The following MAGI3 variants were observed in gnomAD, a reference collection of about 807,000 sequenced individuals.
MAGI3 encodes membrane-associated guanylate kinase, WW and PDZ domain-containing protein 3.
In MAGI3, 43 loss-of-function variants were observed where a neutral mutation model predicts 121.8. The observed-to-expected ratio is 0.35, with a 90% CI of 0.28 to 0.46. The LOEUF is 0.46. MAGI3 is among the 20% of genes least tolerant of loss of function. MAGI3 has a pLI of 1.00. For synonymous variants in MAGI3, 553 were observed against 639.3 expected, an observed-to-expected ratio of 0.86 and a Z score of 2.04; for missense variants, 1,547 against 1,797.3, an observed-to-expected ratio of 0.86 and a Z score of 2.52.
intron 1 of MAGI3, among the ~76,000 whole-genome samples, chr1:113,516,019 C>T (rs533809327): frequency 8.2e-4 from 125 of 152,072 alleles, no homozygotes; most frequent in Non-Finnish European, 1.3e-3. Flanking sequence ...TCACTAGATG[C>T]GTATACCACT....
rs144424978 is a variant in MAGI3, at chr1:113,657,678, G to A, written c.2630-1402G>A. On this transcript the variant is annotated intron_variant, in intron 15 of 20. Coordinates refer to ENST00000307546, the MANE Select transcript of MAGI3 (RefSeq NM_001142782.2). ...CCACAGGGCCACCGTATGACCTGCC[G>A]TATGTTTCTGGTGTGCCACCTGTTG... Among the ~76,000 whole-genome samples the A allele has an allele frequency of 7.0e-4, 107 of 152,322 alleles. No homozygotes were observed. In the East Asian group the frequency reaches 0.015, roughly 21 times the overall value.
At chr1:113,669,308 AT>A (rs2101016254) in intron 16 of MAGI3, among the ~76,000 whole-genome samples, 1 of 152,326 alleles carries the variant, frequency 6.6e-6, no homozygotes, top group Non-Finnish European at 1.5e-5. Flanking sequence ...CTGAGATGTG[AT>A]TCTTGCAATC....
intron 1 of MAGI3, among the ~76,000 whole-genome samples, chr1:113,437,798 TTTC>T (rs1227427119): frequency 1.4e-5 from 2 of 147,550 alleles, no homozygotes; most frequent in African/African-American, 2.5e-5. Flanking sequence ...TTCCTTCTTC[TTTC>T]TTCTTTTCTT....
intron 1 of MAGI3, among the ~76,000 whole-genome samples, chr1:113,431,963 A>C (rs374278466): frequency 1.4e-4 from 22 of 152,328 alleles, no homozygotes; most frequent in African/African-American, 4.3e-4. Flanking sequence ...GATGTCAATA[A>C]TTTATAATTT....
chr1:113,555,180 GAAAT>G (rs1257070323), intron 2 of MAGI3, among the ~76,000 whole-genome samples: 1 of 149,892 alleles, frequency 6.7e-6, no homozygotes, highest in African/African-American at 2.4e-5. Flanking sequence ...AAATGAAAGA[GAAAT>G]AAAGAATTTT....
rs1648525484 is a variant in MAGI3, at chr1:113,685,918, AAAAC to A, written c.*1906_*1909del. 1 of 152,318 alleles carries A rather than the reference AAAAC, an allele frequency of 6.6e-6. No homozygotes were observed. Among genetic ancestry groups the A allele is most frequent in the African/African-American group, 2.4e-5 (1 of 41,460 alleles). The allele number at this position is 152,318 out of a possible 1,614,324, so 9.4% of individuals were successfully genotyped here. On this transcript the variant is annotated 3_prime_UTR_variant, in exon 21 of 21. Coordinates refer to ENST00000307546, the MANE Select transcript of MAGI3 (RefSeq NM_001142782.2). The stretch of plus-strand genomic sequence containing the variant: ...TTATTTTTTATATAGATATTTAAAA[AAAAC>A]AGTTTATGGCCTGCATTTCTTTTAC...
At chr1:113,551,156 T>C (rs1659772731) in intron 2 of MAGI3, among the ~76,000 whole-genome samples, 1 of 152,174 alleles carries the variant, frequency 6.6e-6, no homozygotes, top group Non-Finnish European at 1.5e-5. Context: ...TTAATGTTCC[T>C]GATCCTCAGA....
chr1:113,626,056 C>G (rs1016071395), intron 9 of MAGI3, among the ~76,000 whole-genome samples: 2 of 152,166 alleles, frequency 1.3e-5, no homozygotes, highest in Non-Finnish European at 2.9e-5. Context: ...ACCCCCACCT[C>G]CTGGGTTCAA....
chr1:113,549,766 T>C, intron 2 of MAGI3, 135 bp downstream of exon 2: 1 of 502,466 alleles, frequency 2.0e-6, no homozygotes, highest in Non-Finnish European at 3.5e-6. Flanking sequence ...GAAACAAAAA[T>C]TGGATAAGAA....
rs576959685 is a variant in MAGI3 at position 113,684,200 on chromosome 1, G to A, written c.*186G>A. 8.4e-6 allele frequency: 5 copies of A among 594,854 alleles called. No homozygotes were observed. The highest frequency in any genetic ancestry group is 3.2e-5 in the South Asian group (1 of 31,228). 36.8% of individuals were successfully genotyped at this position (594,854 alleles called of 1,614,324 possible). ...CTAAGAACCAACTGTCCCCCTGGCC[G>A]GCTGCCCTCCCTCGCTCTCAGGAAG... On this transcript the variant is annotated 3_prime_UTR_variant, in exon 21 of 21. Coordinates refer to ENST00000307546, the MANE Select transcript of MAGI3 (RefSeq NM_001142782.2).
chr1:113,484,466 C>T (rs977768034), intron 1 of MAGI3, among the ~76,000 whole-genome samples: 6 of 152,064 alleles, frequency 3.9e-5, no homozygotes, highest in Admixed American at 6.5e-5. Context: ...ATCCTCATAG[C>T]TTAGCTCCCA....
rs56373232 is a variant in MAGI3, at chr1:113,416,255, C to G, written c.316+24906C>G. On this transcript the variant is annotated intron_variant, in intron 1 of 20. Transcript: ENST00000307546. ...CACATATTAATTATGTAATTAATTACACATATTAATTATGTAATTAATTAC... is the reference window on the plus strand; with the variant it reads ...CACATATTAATTATGTAATTAATTAGACATATTAATTATGTAATTAATTAC... 6.0e-5 allele frequency among the ~76,000 whole-genome samples: 8 copies of G among 133,782 alleles called. 2 individuals carry two copies. Among genetic ancestry groups the G allele is most frequent in the African/African-American group, 1.4e-4 (5 of 36,676 alleles). 87.8% of individuals were successfully genotyped at this position (133,782 alleles called of 152,430 possible).
chr1:113,477,773 T>G (rs1434693369), intron 1 of MAGI3, among the ~76,000 whole-genome samples: 3 of 152,236 alleles, frequency 2.0e-5, no homozygotes, highest in Non-Finnish European at 4.4e-5. Flanking sequence ...AATGTTGGCC[T>G]GCCTTGCTAT....
At chr1:113,648,243 A>G (rs535838527) in intron 12 of MAGI3, among the ~76,000 whole-genome samples, 1 of 152,290 alleles carries the variant, frequency 6.6e-6, no homozygotes, top group African/African-American at 2.4e-5. Flanking sequence ...ATCAAAAGAT[A>G]CTGCTTCTAT....
At chr1:113,588,336 A>G (rs1215567545) in intron 4 of MAGI3, among the ~76,000 whole-genome samples, 1 of 152,220 alleles carries the variant, frequency 6.6e-6, no homozygotes, top group Non-Finnish European at 1.5e-5. Context: ...GGTTGGATAC[A>G]ATGTGGACAA....
chr1:113,442,346 G>A (rs1167350744), intron 1 of MAGI3, among the ~76,000 whole-genome samples: 1 of 152,040 alleles, frequency 6.6e-6, no homozygotes, highest in African/African-American at 2.4e-5. Flanking sequence ...CAATTCTTTG[G>A]CAGTCAGAGA....
intron 11 of MAGI3, among the ~76,000 whole-genome samples, chr1:113,645,087 T>C (rs1462130282): frequency 6.8e-6 from 1 of 147,182 alleles, no homozygotes; most frequent in African/African-American, 2.5e-5. Flanking sequence ...TGCAGTGGTG[T>C]GATTTTGGCT....
chr1:113,417,285 C>G (rs189709604), intron 1 of MAGI3, among the ~76,000 whole-genome samples: 1 of 152,054 alleles, frequency 6.6e-6, no homozygotes, highest in Non-Finnish European at 1.5e-5. Flanking sequence ...TTTGAGAATG[C>G]AATTTCACCT....
At chr1:113,429,721 G>A (rs908046340) in intron 1 of MAGI3, among the ~76,000 whole-genome samples, 6 of 152,190 alleles carry the variant, frequency 3.9e-5, no homozygotes, top group African/African-American at 1.4e-4. Flanking sequence ...GAAAAGACCA[G>A]TCAGAGGTAC....
Sources: gnomAD v4.1 joint callset for allele counts (sites outside exome capture counted in the v4.1 genomes callset) on GRCh38, gnomAD v4.1.1 for gene constraint, MANE v1.5 for transcripts, NCBI Gene and HGNC (gene_info 2026-07-23, HGNC 2026-07-21) for gene names.